Variants in HHLA2 observed in about 807,000 individuals in gnomAD.
HHLA2 encodes HERV-H LTR-associating protein 2.
Under a neutral mutation model 45.9 loss-of-function variants are expected in HHLA2, and 48 were observed. That is an observed-to-expected ratio of 1.05 (90% CI 0.83 to 1.33). The LOEUF is 1.33. HHLA2 is among the 40% of genes most tolerant of loss of function. The probability of loss-of-function intolerance (pLI) is 0.00; values close to 1 mark genes in which losing one functional copy is unlikely to be tolerated. For synonymous variants in HHLA2, 161 were observed against 173.9 expected (o/e 0.93, Z 0.59); for missense variants, 462 against 494.3 (o/e 0.93, Z 0.62).
intron 3 of HHLA2, among the ~76,000 whole-genome samples, chr3:108,340,202 T>A (rs62266214): frequency 0.04 from 6,119 of 152,176 alleles, 182 homozygotes; most frequent in Non-Finnish European, 0.054. Context: ...ATAGGTTAAA[T>A]AGGGAGAAGT....
chr3:108,310,057 A>G (rs72937752), intron 1 of HHLA2, among the ~76,000 whole-genome samples: 2,675 of 152,218 alleles, frequency 0.018, 70 homozygotes, highest in African/African-American at 0.061. Context: ...TGGTCATTAC[A>G]GGCTCTTTAA....
intron 1 of HHLA2, among the ~76,000 whole-genome samples, chr3:108,299,121 T>C (rs1289057904): frequency 6.6e-6 from 1 of 152,150 alleles, no homozygotes; most frequent in Non-Finnish European, 1.5e-5. Context: ...CACTACAATA[T>C]CCTGTCAATT....
At chr3:108,325,156 T>C (rs530433447) in intron 2 of HHLA2, among the ~76,000 whole-genome samples, 1 of 148,728 alleles carries the variant, frequency 6.7e-6, no homozygotes, top group East Asian at 2.7e-4. Context: ...ATTAGTCTCA[T>C]TTATTTTTTA....
At chr3:108,366,421 A>G (rs746388128) in intron 8 of HHLA2, among the ~76,000 whole-genome samples, 1 of 152,142 alleles carries the variant, frequency 6.6e-6, no homozygotes, top group Non-Finnish European at 1.5e-5. Flanking sequence ...TTCATCAGGG[A>G]TATTCGCCTG....
intron 8 of HHLA2, among the ~76,000 whole-genome samples, chr3:108,371,185 A>T (rs1037681637): frequency 3.9e-5 from 6 of 152,230 alleles, no homozygotes; most frequent in African/African-American, 1.4e-4. Context: ...ACATTCTCAA[A>T]GAAAAGAATT....
At chr3:108,368,534 G>GAA (rs1560276081) in intron 8 of HHLA2, among the ~76,000 whole-genome samples, 1 of 12,054 alleles carries the variant, frequency 8.3e-5, no homozygotes, top group African/African-American at 3.3e-4. Context: ...CAAACGAAGA[G>GAA]CAAAAAAAAA....
intron 7 of HHLA2, among the ~76,000 whole-genome samples, chr3:108,358,555 G>A (rs1336651316): frequency 6.6e-6 from 1 of 152,168 alleles, no homozygotes; most frequent in Non-Finnish European, 1.5e-5. Context: ...AGAATGCTGG[G>A]AAATCATGAC....
intron 3 of HHLA2, among the ~76,000 whole-genome samples, chr3:108,349,805 C>T (rs2081744275): frequency 6.6e-6 from 1 of 152,066 alleles, no homozygotes; most frequent in African/African-American, 2.4e-5. Flanking sequence ...TAATCAGTTA[C>T]AACAATTATG....
At chr3:108,321,766 T>G (rs1270237820) in intron 2 of HHLA2, among the ~76,000 whole-genome samples, 1 of 152,104 alleles carries the variant, frequency 6.6e-6, no homozygotes, top group African/African-American at 2.4e-5. Flanking sequence ...TTCTCTAGAT[T>G]TTTTAGAGTT....
chr3:108,308,852 G>A (rs998646072), intron 1 of HHLA2, among the ~76,000 whole-genome samples: 4 of 152,066 alleles, frequency 2.6e-5, no homozygotes, highest in African/African-American at 9.7e-5. Flanking sequence ...TTTTAAATTG[G>A]ATTATTAGAT....
rs1407456469 is a variant in HHLA2, at chr3:108,323,511, G to C, written c.-104-4759G>C. ...ATTATAAACATGTATTTAAGCTGCT[G>C]TCTTTACCCAGAAATCCTGAGTGGG... is the stretch of plus-strand genomic sequence containing the variant. On this transcript the variant is annotated intron_variant, in intron 2 of 10. Coordinates refer to ENST00000619531, the Ensembl canonical transcript of HHLA2. 2.6e-5 allele frequency among the ~76,000 whole-genome samples: 4 copies of C among 152,284 alleles called. No homozygotes were observed. In the East Asian group the frequency reaches 7.7e-4, roughly 29 times the overall value.
intron 3 of HHLA2, chr3:108,328,448 A>G (rs1243104931): frequency 1.4e-6 from 1 of 704,952 alleles, no homozygotes; most frequent in Non-Finnish European, 2.3e-6. Flanking sequence ...CTTTGCAAAT[A>G]TTATTAACAT....
At chr3:108,308,819 C>G (rs1202799637) in intron 1 of HHLA2, among the ~76,000 whole-genome samples, 1 of 152,110 alleles carries the variant, frequency 6.6e-6, no homozygotes, top group African/African-American at 2.4e-5. Context: ...TGAGATATGT[C>G]TATTCAAATC....
chr3:108,313,858 C>T (rs191287134), intron 2 of HHLA2, among the ~76,000 whole-genome samples: 16 of 152,288 alleles, frequency 1.1e-4, no homozygotes, highest in Non-Finnish European at 1.5e-5. Flanking sequence ...GAAATCGAAG[C>T]TAAGAGTGTT....
At chr3:108,372,918 C>A (rs998076566) in intron 8 of HHLA2, among the ~76,000 whole-genome samples, 7 of 152,172 alleles carry the variant, frequency 4.6e-5, no homozygotes, top group Non-Finnish European at 1.0e-4. Flanking sequence ...GAGCTGGTAC[C>A]ATTCCTTCTG....
At chr3:108,316,168 A>C (rs907099674) in intron 2 of HHLA2, among the ~76,000 whole-genome samples, 3 of 152,172 alleles carry the variant, frequency 2.0e-5, no homozygotes, top group African/African-American at 7.2e-5. Flanking sequence ...TGCTGTGATA[A>C]AGTATAATCC....
intron 6 of HHLA2, among the ~76,000 whole-genome samples, chr3:108,357,451 A>G (rs1207958726): frequency 1.3e-5 from 2 of 152,204 alleles, no homozygotes; most frequent in Non-Finnish European, 2.9e-5. Flanking sequence ...ACTAGGGAGT[A>G]GGTAGGGTAC....
chr3:108,346,727 T>C (rs35672602), intron 3 of HHLA2, among the ~76,000 whole-genome samples: 28,371 of 152,216 alleles, frequency 0.19, 3,113 homozygotes, highest in Non-Finnish European at 0.25. Context: ...TACACATACA[T>C]TGTGAAATGG....
chr3:108,347,258 G>A (rs2081679521), intron 3 of HHLA2, among the ~76,000 whole-genome samples: 1 of 151,938 alleles, frequency 6.6e-6, no homozygotes, highest in Non-Finnish European at 1.5e-5. Context: ...GTGTAGAAGA[G>A]GTTGGGCATT....
Sources: allele counts gnomAD v4.1 joint callset (sites outside exome capture counted in the v4.1 genomes callset), GRCh38; gene constraint gnomAD v4.1.1; transcripts MANE v1.5; gene names NCBI Gene and HGNC (gene_info 2026-07-23, HGNC 2026-07-21).